GALK2: variants seen among roughly 807,000 people sequenced by gnomAD.
GALK2 encodes galactokinase 2.
GALK2 carries 36 observed loss-of-function variants against 52.4 expected under a neutral mutation model. The observed-to-expected ratio is 0.69, with a 90% CI of 0.53 to 0.91. The LOEUF (loss-of-function observed/expected upper bound fraction) is 0.91, where lower values mean the gene tolerates loss of function less well. Ranked by LOEUF, GALK2 falls within the 40% of genes least tolerant of loss-of-function variation. The pLI is 0.00. For synonymous variants in GALK2, 176 were observed against 199.1 expected, an observed-to-expected ratio of 0.88 and a Z score of 0.98; for missense variants, 579 against 559.1, an observed-to-expected ratio of 1.04 and a Z score of -0.36.
rs552901474 is a variant in GALK2, at chr15:49,346,241, T to C, written c.427-21250T>C. On this transcript the variant is annotated intron_variant, in intron 3 of 3. Coordinates refer to the GALK2 transcript ENST00000558399. ...AGACCACCAGCCCTTGAGCTGGGCC[T>C]GCGCAAGTGCGCAACAAATGGCCTT... is the stretch of plus-strand genomic sequence containing the variant. 3.5e-4 allele frequency among the ~76,000 whole-genome samples: 54 copies of C among 152,318 alleles called. 1 individual carries two copies. The South Asian group carries it at 0.01, about 29-fold the overall frequency.
chr15:49,210,307 T>C (rs1325482894), intron 2 of GALK2, among the ~76,000 whole-genome samples: 1 of 151,992 alleles, frequency 6.6e-6, no homozygotes, highest in East Asian at 1.9e-4. Flanking sequence ...TCTGCTCTGA[T>C]CTTTATTATT....
chr15:49,226,601 A>C (rs1253020759), intron 3 of GALK2: 1 of 150,990 alleles, frequency 6.6e-6, no homozygotes, highest in Non-Finnish European at 1.5e-5. Context: ...TCTGATCTTC[A>C]TTATTTCTTT....
intron 5 of GALK2, among the ~76,000 whole-genome samples, chr15:49,248,735 A>G (rs974022225): frequency 1.2e-4 from 19 of 152,226 alleles, no homozygotes; most frequent in African/African-American, 4.3e-4. Context: ...CACTTGGGTG[A>G]TGTGACACTA....
At chr15:49,322,754 G>A (rs965536411) in intron 9 of GALK2, among the ~76,000 whole-genome samples, 4 of 152,026 alleles carry the variant, frequency 2.6e-5, no homozygotes, top group East Asian at 1.9e-4. Flanking sequence ...TCAGGAGATC[G>A]AGATCATCCT....
At chr15:49,341,444 A>G (rs912631622) in intron 3 of GALK2, among the ~76,000 whole-genome samples, 1 of 152,084 alleles carries the variant, frequency 6.6e-6, no homozygotes, top group African/African-American at 2.4e-5. Context: ...AGAATTTTCT[A>G]GTTTTCTTTG....
chr15:49,213,611 T>G (rs991144801), intron 2 of GALK2, among the ~76,000 whole-genome samples: 3 of 152,126 alleles, frequency 2.0e-5, no homozygotes, highest in Non-Finnish European at 4.4e-5. Flanking sequence ...TGAGGTTAGC[T>G]TATTGTTTTT....
intron 1 of GALK2, among the ~76,000 whole-genome samples, chr15:49,197,718 A>G (rs609434): frequency 0.59 from 89,399 of 151,952 alleles, 26,456 homozygotes; most frequent in Middle Eastern, 0.66. Context: ...TTGAATTAGG[A>G]ATGCTCAACC....
intron 1 of GALK2, among the ~76,000 whole-genome samples, chr15:49,160,791 C>A (rs373368417): frequency 1.3e-5 from 2 of 151,676 alleles, no homozygotes; most frequent in Non-Finnish European, 2.9e-5. Context: ...TCGCTTGAAC[C>A]GGGGAGGTGG....
At chr15:49,346,165 C>G (rs540614908) in intron 3 of GALK2, among the ~76,000 whole-genome samples, 2 of 152,000 alleles carry the variant, frequency 1.3e-5, no homozygotes, top group African/African-American at 2.4e-5. Flanking sequence ...AACAACACTT[C>G]CGTTGTTTTT....
intron 3 of GALK2, among the ~76,000 whole-genome samples, chr15:49,344,915 T>C (rs1023179345): frequency 6.6e-6 from 1 of 152,244 alleles, no homozygotes; most frequent in Admixed American, 6.5e-5. Context: ...CTGCAGAAAA[T>C]TGAATATTAT....
intron 5 of GALK2, among the ~76,000 whole-genome samples, chr15:49,272,523 G>A (rs1035998790): frequency 2.0e-5 from 3 of 152,148 alleles, no homozygotes; most frequent in African/African-American, 4.8e-5. Context: ...ACCAGTTCCC[G>A]GGTGACATCA....
intron 1 of GALK2, among the ~76,000 whole-genome samples, chr15:49,198,658 C>T (rs1047133682): frequency 7.2e-5 from 11 of 152,050 alleles, no homozygotes; most frequent in Non-Finnish European, 1.2e-4. Context: ...TACCTCTTGC[C>T]TATTTAGTAA....
intron 8 of GALK2, chr15:49,319,049 C>CAAGCAA (rs1443896700): frequency 2.4e-6 from 1 of 416,680 alleles, no homozygotes; most frequent in African/African-American, 2.1e-5. Context: ...CTCCCAGGTT[C>CAAGCAA]AAGCAATTCT....
At chr15:49,274,786 G>T (rs1261622147) in intron 5 of GALK2, among the ~76,000 whole-genome samples, 2 of 151,378 alleles carry the variant, frequency 1.3e-5, no homozygotes, top group African/African-American at 4.9e-5. Flanking sequence ...TAAACTTTTA[G>T]TTTTTTTGTT....
At chr15:49,234,829 C>T (rs961390779) in intron 3 of GALK2, among the ~76,000 whole-genome samples, 2 of 151,788 alleles carry the variant, frequency 1.3e-5, no homozygotes, top group African/African-American at 2.4e-5. Context: ...TGCAGTGGCA[C>T]GATCTCAGCT....
At chr15:49,355,524 A>G (rs1443044331) in intron 3 of GALK2, among the ~76,000 whole-genome samples, 5 of 152,164 alleles carry the variant, frequency 3.3e-5, no homozygotes, top group Non-Finnish European at 1.5e-5. Flanking sequence ...ATGAAGCAAG[A>G]AGGGAAGTTT....
At chr15:49,170,442 C>T (rs1326426651) in intron 1 of GALK2, 67 bp downstream of exon 1, 1 of 1,485,024 alleles carries the variant, frequency 6.7e-7, no homozygotes, top group East Asian at 2.5e-5. Flanking sequence ...GGGTCCACAG[C>T]ACTTGGCTCC....
chr15:49,235,873 A>C lies in GALK2; in HGVS notation c.289A>C (p.Asn97His). The change falls in exon 4 of 10, where the codon AAC becomes CAC. Residue 97 changes from asparagine (N) to histidine (H), a missense_variant. Transcript: ENST00000560031. The part of the protein sequence containing the change: ...LYPDFSTSAN[N>H]IQIDKTKPLW... The stretch of plus-strand genomic sequence containing the variant: ...CAGGGACTTCAGTACTAGTGCTAAT[A>C]ACATCCAGATTGATAAAACCAAGCC... 1 of 1,613,082 alleles carries C rather than the reference A, an allele frequency of 6.2e-7. No homozygotes were observed. Among genetic ancestry groups the C allele is most frequent in the Non-Finnish European group, 8.5e-7 (1 of 1,179,060 alleles).
intron 1 of GALK2, chr15:49,161,920 TG>T (rs374157108): frequency 2.1e-4 from 32 of 152,642 alleles, no homozygotes; most frequent in African/African-American, 7.7e-4. Flanking sequence ...GGTTTCGCCA[TG>T]TTGGCCAGGC....
Sources: gnomAD v4.1 joint callset for allele counts (sites outside exome capture counted in the v4.1 genomes callset) on GRCh38, gnomAD v4.1.1 for gene constraint, MANE v1.5 for transcripts, NCBI Gene and HGNC (gene_info 2026-07-23, HGNC 2026-07-21) for gene names.